KLHL6: variants seen among roughly 807,000 people sequenced by gnomAD.
KLHL6 encodes the protein kelch like family member 6.
A neutral mutation model predicts 58.6 loss-of-function variants in KLHL6; 41 were observed. The ratio of observed to expected loss-of-function variants is 0.70; its 90% confidence interval spans 0.55 to 0.91. The LOEUF is 0.91. Among genes scored for constraint, KLHL6 ranks in the 40% least tolerant of loss-of-function variants. KLHL6 has a pLI of 0.00. For synonymous variants in KLHL6, 338 were observed against 322.7 expected, an observed-to-expected ratio of 1.05 and a Z score of -0.51; for missense variants, 714 against 805.6, an observed-to-expected ratio of 0.89 and a Z score of 1.38.
intron 2 of KLHL6, among the ~76,000 whole-genome samples, chr3:183,517,824 T>C (rs149424959): frequency 3.4e-4 from 52 of 152,272 alleles, no homozygotes; most frequent in Middle Eastern, 3.4e-3. Flanking sequence ...GAAACACTGT[T>C]GTAAAGATTA....
rs371529320 is a variant in KLHL6 at position 183,494,082 on chromosome 3, T to C, written c.1347A>G (p.Ser449=). The change falls in exon 5 of 7, where the codon TCA becomes TCG. Residue 449 remains serine (S), a synonymous_variant. Transcript: ENST00000341319. ...ETYDPFHNCW[S]EAAPLLVHVS... is the part of the protein sequence containing the mutation. ...TGGTAGAAATCGTGTCCTATACCTCTGACCAGCAGTTGTGAAAGGGGTCGT... is the reference window on the plus strand; with the variant it reads ...TGGTAGAAATCGTGTCCTATACCTCCGACCAGCAGTTGTGAAAGGGGTCGT... 18 of 1,613,752 alleles carry C rather than the reference T, an allele frequency of 1.1e-5. No individual in the cohort carries two copies. Among genetic ancestry groups the C allele is most frequent in the Non-Finnish European group, 1.5e-5 (18 of 1,179,718 alleles).
At chr3:183,501,675 C>T (rs1244899131) in intron 3 of KLHL6, among the ~76,000 whole-genome samples, 2 of 152,144 alleles carry the variant, frequency 1.3e-5, no homozygotes, top group Non-Finnish European at 2.9e-5. Flanking sequence ...CTCCTGCTGG[C>T]TAAATTTCCT....
intron 2 of KLHL6, among the ~76,000 whole-genome samples, chr3:183,516,024 A>G (rs1711548969): frequency 2.0e-5 from 3 of 152,240 alleles, no homozygotes; most frequent in Admixed American, 2.0e-4. Flanking sequence ...GAGCGATGCA[A>G]GTTCACACTG....
intron 3 of KLHL6, among the ~76,000 whole-genome samples, chr3:183,506,131 C>T (rs1176259069): frequency 2.0e-5 from 3 of 152,228 alleles, no homozygotes; most frequent in African/African-American, 7.2e-5. Context: ...AATCCCAGAA[C>T]CACTGCATAG....
chr3:183,489,191 C>A lies in KLHL6; in HGVS notation c.*2736G>T, dbSNP rs1411984027. On this transcript the variant is annotated 3_prime_UTR_variant, in exon 7 of 7. Transcript: ENST00000341319. Reference sequence around the variant, plus strand: ...GGCGCTGTCTTTTTGAAGGGAGGCTCCCTGTGTATGCCAGTACCATTGTCA... The same window carrying A: ...GGCGCTGTCTTTTTGAAGGGAGGCTACCTGTGTATGCCAGTACCATTGTCA... 1.3e-5 allele frequency: 2 copies of A among 152,150 alleles called. No individual in the cohort carries two copies. The highest frequency in any genetic ancestry group is 2.9e-5 in the Non-Finnish European group (2 of 68,030). 9.4% of individuals were successfully genotyped at this position (152,150 alleles called of 1,614,324 possible).
chr3:183,502,357 C>A (rs1164206106), intron 3 of KLHL6, among the ~76,000 whole-genome samples: 2 of 151,494 alleles, frequency 1.3e-5, no homozygotes, highest in Admixed American at 6.6e-5. Context: ...AGCTAGGTAA[C>A]TCAGTCTAAA....
chr3:183,533,641 A>G (rs1229845608), intron 1 of KLHL6, among the ~76,000 whole-genome samples: 2 of 152,156 alleles, frequency 1.3e-5, no homozygotes, highest in East Asian at 1.9e-4. Context: ...TCCCAGAAAC[A>G]TTCAAAAGTC....
chr3:183,503,368 TC>T (rs1206121666), intron 3 of KLHL6, among the ~76,000 whole-genome samples: 11 of 152,204 alleles, frequency 7.2e-5, no homozygotes, highest in African/African-American at 2.7e-4. Context: ...TCCCCAAAGT[TC>T]TCTTTCAATG....
intron 3 of KLHL6, among the ~76,000 whole-genome samples, chr3:183,502,951 G>A (rs140665813): frequency 7.2e-5 from 11 of 152,174 alleles, no homozygotes; most frequent in Non-Finnish European, 1.5e-4. Context: ...TCAGCACCAC[G>A]GAGCTGCCGA....
At chr3:183,534,960 T>TTG (rs1712315252) in intron 1 of KLHL6, among the ~76,000 whole-genome samples, 2 of 148,612 alleles carry the variant, frequency 1.3e-5, no homozygotes, top group African/African-American at 4.9e-5. Context: ...ATTTTTTTTT[T>TTG]TTGAGACAGA....
At chr3:183,496,994 T>A (rs1047660126) in intron 4 of KLHL6, among the ~76,000 whole-genome samples, 1 of 149,350 alleles carries the variant, frequency 6.7e-6, no homozygotes, top group African/African-American at 2.5e-5. Context: ...AAAAAAAAAA[T>A]TGGGCCGGGC....
At chr3:183,552,785 T>A (rs987740279) in intron 1 of KLHL6, among the ~76,000 whole-genome samples, 1 of 149,474 alleles carries the variant, frequency 6.7e-6, no homozygotes, top group African/African-American at 2.5e-5. Flanking sequence ...TCCCTAAACC[T>A]GAGCATACGA....
chr3:183,522,509 G>A (rs1177278066), intron 2 of KLHL6: 1 of 152,224 alleles, frequency 6.6e-6, no homozygotes, highest in Admixed American at 6.5e-5. Flanking sequence ...ATGATAGCAA[G>A]GAAATAATCC....
chr3:183,539,899 G>A (rs568699921), intron 1 of KLHL6, among the ~76,000 whole-genome samples: 9 of 152,172 alleles, frequency 5.9e-5, no homozygotes, highest in African/African-American at 2.2e-4. Flanking sequence ...TGCCATCCAA[G>A]TTTATGACAG....
At chr3:183,544,850 T>A (rs1171798158) in intron 1 of KLHL6, 2 of 151,904 alleles carry the variant, frequency 1.3e-5, no homozygotes, top group African/African-American at 2.4e-5. Context: ...GGGCTGATCA[T>A]TGTGCCCCAC....
intron 3 of KLHL6, among the ~76,000 whole-genome samples, chr3:183,506,268 G>T (rs991472904): frequency 6.6e-6 from 1 of 152,200 alleles, no homozygotes; most frequent in Non-Finnish European, 1.5e-5. Flanking sequence ...TTCAGGAATT[G>T]TTAAGGAGAA....
intron 2 of KLHL6, among the ~76,000 whole-genome samples, chr3:183,513,102 T>G (rs1211842279): frequency 6.6e-6 from 1 of 152,204 alleles, no homozygotes; most frequent in African/African-American, 2.4e-5. Context: ...AGCATGAACA[T>G]TATAAACTCA....
At chr3:183,527,799 A>G (rs766666416) in intron 2 of KLHL6, 46 bp downstream of exon 2, 5 of 1,599,182 alleles carry the variant, frequency 3.1e-6, no homozygotes, top group Admixed American at 1.7e-5. Context: ...GAATTACTGC[A>G]TTCACCTGCT....
At position 183,499,598 on chromosome 3, in the gene KLHL6, T is replaced by C. The variant is rs754827414; in HGVS notation, c.1139A>G (p.Tyr380Cys). The change falls in exon 4 of 7, where the codon TAC (tyrosine) becomes TGC (cysteine). Residue 380 changes from tyrosine (Y) to cysteine (C), a missense_variant. Coordinates refer to ENST00000341319, the MANE Select transcript of KLHL6 (RefSeq NM_130446.4). The surrounding 1 kb of genome is among the most constrained non-coding windows in gnomAD (Gnocchi z 4.6). ...ACATGACTCCTGCTTACCTGAGATG[T>C]AGACCTCATTTTTCAATGTCACGCA... ...FACVTLKNEV[Y>C]ISGGKETQHD... The C allele has an allele frequency of 2.5e-6, 4 of 1,596,024 alleles. No homozygotes were observed. The highest frequency in any genetic ancestry group is 3.4e-6 in the Non-Finnish European group (4 of 1,169,714).
Sources: gnomAD v4.1 joint callset for allele counts (sites outside exome capture counted in the v4.1 genomes callset) on GRCh38, gnomAD v4.1.1 for gene constraint, Gnocchi (gnomAD v3.1) non-coding constraint, MANE v1.5 for transcripts, NCBI Gene and HGNC (gene_info 2026-07-23, HGNC 2026-07-21) for gene names.